SMYD3: variants seen among roughly 807,000 people sequenced by gnomAD.
The protein encoded by SMYD3 is SET and MYND domain containing 3.
A neutral mutation model predicts 57.7 loss-of-function variants in SMYD3; 36 were observed. That is an observed-to-expected ratio of 0.62 (90% CI 0.48 to 0.82). The LOEUF is 0.82. Among genes scored for constraint, SMYD3 ranks in the 40% least tolerant of loss-of-function variants. The pLI, the probability that SMYD3 is intolerant of heterozygous loss-of-function variation, is 0.00. For synonymous variants in SMYD3, 211 were observed against 195.0 expected (o/e 1.08, Z -0.68); for missense variants, 515 against 538.8 (o/e 0.96, Z 0.44).
chr1:246,205,976 C>A (rs941986306), intron 5 of SMYD3, among the ~76,000 whole-genome samples: 1 of 152,138 alleles, frequency 6.6e-6, no homozygotes, highest in African/African-American at 2.4e-5. Context: ...ACTAAATTCA[C>A]TGGTGTGATG....
At chr1:245,816,086 T>G (rs1399997557) in intron 10 of SMYD3, among the ~76,000 whole-genome samples, 1 of 152,148 alleles carries the variant, frequency 6.6e-6, no homozygotes, top group Non-Finnish European at 1.5e-5. Flanking sequence ...CCCTGGGGTG[T>G]GGGGCAGAAG....
intron 5 of SMYD3, among the ~76,000 whole-genome samples, chr1:246,171,119 C>A (rs746157984): frequency 5.1e-4 from 78 of 152,192 alleles, no homozygotes; most frequent in Admixed American, 7.8e-4. Context: ...CTACTTTGGT[C>A]TAATAGAGTT....
intron 5 of SMYD3, among the ~76,000 whole-genome samples, chr1:245,991,088 A>C (rs2058804545): frequency 6.6e-6 from 1 of 152,248 alleles, no homozygotes; most frequent in South Asian, 2.1e-4. Context: ...CATTCCTCTT[A>C]TATTCACAAA....
chr1:246,435,063 A>G (rs553485105), intron 1 of SMYD3, among the ~76,000 whole-genome samples: 19 of 152,236 alleles, frequency 1.2e-4, no homozygotes, highest in Non-Finnish European at 2.5e-4. Flanking sequence ...AATGCAAAAC[A>G]ATAAAACCAA....
rs1202715678 is a variant in SMYD3 at position 246,355,036 on chromosome 1, A to G, written c.223T>C (p.Cys75Arg). The G allele has an allele frequency of 1.2e-6, 2 of 1,614,154 alleles. No homozygotes were observed. The highest frequency in any genetic ancestry group is 1.7e-5 in the Admixed American group (1 of 60,026). The change falls in exon 2 of 12, where the codon TGT (cysteine) becomes CGT (arginine). Residue 75 changes from cysteine (C) to arginine (R), a missense_variant. By Grantham distance (180) the Cys-to-Arg change is radical. Transcript: ENST00000490107. This position sits in a 1 kb window ranked among gnomAD's most constrained non-coding sequence, Gnocchi z 5.0. The stretch of plus-strand genomic sequence containing the variant: ...ATATGGCTGAAAAGTCTTACCTGAC[A>G]CTTAGCACTACAGTATTTGGCGACG... The part of the protein sequence containing the change: ...CRVAKYCSAK[C>R]QKKAWPDHKR...
intron 1 of SMYD3, among the ~76,000 whole-genome samples, chr1:246,383,270 G>T (rs2066419052): frequency 6.6e-6 from 1 of 152,248 alleles, no homozygotes; most frequent in Non-Finnish European, 1.5e-5. Flanking sequence ...GAATGCATTT[G>T]AATGAGTGTT....
chr1:246,154,759 G>GT (rs923768945), intron 5 of SMYD3, among the ~76,000 whole-genome samples: 44 of 146,074 alleles, frequency 3.0e-4, no homozygotes, highest in East Asian at 1.0e-3. Flanking sequence ...AACAAACAAT[G>GT]TTTTTTTTTT....
intron 5 of SMYD3, among the ~76,000 whole-genome samples, chr1:245,940,975 G>C (rs1032231813): frequency 6.6e-6 from 1 of 152,180 alleles, no homozygotes; most frequent in Non-Finnish European, 1.5e-5. Flanking sequence ...GAACATAAAT[G>C]ACCTGATGGA....
At chr1:246,239,243 C>T (rs1483505793) in intron 5 of SMYD3, among the ~76,000 whole-genome samples, 2 of 152,124 alleles carry the variant, frequency 1.3e-5, no homozygotes, top group Non-Finnish European at 2.9e-5. Flanking sequence ...GCTATCCCTC[C>T]CCTCTACCCC....
chr1:245,986,352 GT>G (rs2058705334), intron 5 of SMYD3, among the ~76,000 whole-genome samples: 1 of 152,176 alleles, frequency 6.6e-6, no homozygotes, highest in Admixed American at 6.5e-5. Flanking sequence ...ATACTTGAGA[GT>G]TTTACATTTT....
At chr1:245,921,126 GA>G (rs1398106245) in intron 7 of SMYD3, among the ~76,000 whole-genome samples, 1 of 152,188 alleles carries the variant, frequency 6.6e-6, no homozygotes, top group Non-Finnish European at 1.5e-5. Flanking sequence ...CCAAAGACAT[GA>G]GCAGACACAT....
intron 1 of SMYD3, among the ~76,000 whole-genome samples, chr1:246,448,276 T>C (rs1168868339): frequency 2.0e-5 from 3 of 152,212 alleles, no homozygotes; most frequent in African/African-American, 7.2e-5. Flanking sequence ...GAAGCCACTA[T>C]TCTGGAGACC....
At chr1:246,033,695 G>A (rs1421437627) in intron 5 of SMYD3, among the ~76,000 whole-genome samples, 1 of 152,122 alleles carries the variant, frequency 6.6e-6, no homozygotes, top group Non-Finnish European at 1.5e-5. Context: ...GCTGAGGCAC[G>A]AGAATCGCTT....
At chr1:245,998,613 C>T (rs572376751) in intron 5 of SMYD3, among the ~76,000 whole-genome samples, 1 of 152,208 alleles carries the variant, frequency 6.6e-6, no homozygotes, top group African/African-American at 2.4e-5. Flanking sequence ...CTGGATGCTC[C>T]TGAAAAAGTT....
At chr1:246,408,410 C>T (rs1172438976) in intron 1 of SMYD3, among the ~76,000 whole-genome samples, 1 of 152,018 alleles carries the variant, frequency 6.6e-6, no homozygotes, top group Non-Finnish European at 1.5e-5. Context: ...GGGTTTTGTG[C>T]TTAATAGGGG....
chr1:246,340,173 T>C (rs2065610711), intron 2 of SMYD3, among the ~76,000 whole-genome samples: 1 of 150,262 alleles, frequency 6.7e-6, no homozygotes, highest in South Asian at 2.1e-4. Flanking sequence ...TTGTATAATA[T>C]TAAGGTGGAA....
intron 5 of SMYD3, among the ~76,000 whole-genome samples, chr1:246,320,643 A>C (rs1342595381): frequency 1.3e-5 from 2 of 152,214 alleles, no homozygotes; most frequent in Non-Finnish European, 2.9e-5. Context: ...CACATTTCTA[A>C]TCAGGCTGCC....
intron 1 of SMYD3, among the ~76,000 whole-genome samples, chr1:246,392,900 C>T (rs7553048): frequency 0.99 from 151,092 of 152,242 alleles, 74,989 homozygotes; most frequent in East Asian, 1. Context: ...TCAACATCAT[C>T]AATCATTATG....
At chr1:245,793,178 G>C (rs572759760) in intron 10 of SMYD3, among the ~76,000 whole-genome samples, 5 of 150,490 alleles carry the variant, frequency 3.3e-5, no homozygotes, top group Admixed American at 6.6e-5. Flanking sequence ...GCATGGTGGC[G>C]GGTGCCTGTA....
Sources: allele counts gnomAD v4.1 joint callset (sites outside exome capture counted in the v4.1 genomes callset), GRCh38; gene constraint gnomAD v4.1.1; non-coding constraint Gnocchi (gnomAD v3.1); transcripts MANE v1.5; gene names NCBI Gene and HGNC (gene_info 2026-07-23, HGNC 2026-07-21).